Variants in ATP8A1 observed in about 807,000 individuals in gnomAD.
ATP8A1 encodes phospholipid-transporting ATPase IA.
In ATP8A1, 90 loss-of-function variants were observed where a neutral mutation model predicts 177.7. The ratio of observed to expected loss-of-function variants is 0.51; its 90% CI spans 0.43 to 0.60. ATP8A1 has a LOEUF of 0.60. Ranked by LOEUF, ATP8A1 falls within the 20% of genes least tolerant of loss-of-function variation. The probability of loss-of-function intolerance (pLI) is 0.00; values close to 1 mark genes in which losing one functional copy is unlikely to be tolerated. For synonymous variants in ATP8A1, 493 were observed against 485.9 expected, an observed-to-expected ratio of 1.01 and a Z score of -0.19; for missense variants, 1,072 against 1,392.8, an observed-to-expected ratio of 0.77 and a Z score of 3.67.
chr4:42,577,115 C>CTGCT (rs1732542807), intron 12 of ATP8A1, among the ~76,000 whole-genome samples: 1 of 152,120 alleles, frequency 6.6e-6, no homozygotes, highest in Non-Finnish European at 1.5e-5. Flanking sequence ...AAGCATAAGC[C>CTGCT]TGCTGGGTTC....
intron 20 of ATP8A1, among the ~76,000 whole-genome samples, chr4:42,533,114 T>A (rs1308057704): frequency 2.0e-5 from 3 of 152,196 alleles, no homozygotes; most frequent in African/African-American, 7.2e-5. Context: ...CTCCAAGAAC[T>A]ACCACATGAA....
chr4:42,539,340 A>G (rs1032288338), intron 20 of ATP8A1, among the ~76,000 whole-genome samples: 6 of 151,862 alleles, frequency 4.0e-5, no homozygotes, highest in Admixed American at 1.3e-4. Context: ...CTGCATGGAA[A>G]TCTCTGAAAT....
chr4:42,511,679 T>C (rs1725015857), intron 22 of ATP8A1, among the ~76,000 whole-genome samples: 1 of 152,212 alleles, frequency 6.6e-6, no homozygotes, highest in Non-Finnish European at 1.5e-5. Context: ...ACAGAAAGCT[T>C]CATGTAGTTT....
intron 31 of ATP8A1, among the ~76,000 whole-genome samples, 187 bp from the exon 32 acceptor site, chr4:42,444,821 G>C (rs1458664215): frequency 6.6e-6 from 1 of 152,288 alleles, no homozygotes. Context: ...ACTGTGATAG[G>C]TCAGAGGTGC....
chr4:42,524,710 A>G, intron 21 of ATP8A1, 53 bp downstream of exon 21: 1 of 1,158,632 alleles, frequency 8.6e-7, no homozygotes. Context: ...AGGTATCAGA[A>G]GTATATGATT....
chr4:42,558,914 C>G (rs1249930751), intron 15 of ATP8A1, among the ~76,000 whole-genome samples: 3 of 152,230 alleles, frequency 2.0e-5, no homozygotes, highest in Non-Finnish European at 4.4e-5. Flanking sequence ...GTAGCTCACG[C>G]CTGTAATCCC....
At chr4:42,632,128 G>A (rs1738801718) in intron 1 of ATP8A1, among the ~76,000 whole-genome samples, 2 of 152,178 alleles carry the variant, frequency 1.3e-5, no homozygotes, top group South Asian at 4.2e-4. Flanking sequence ...GAATGGAACT[G>A]AGCAAGGATC....
intron 6 of ATP8A1, among the ~76,000 whole-genome samples, chr4:42,596,666 C>CAAAAAA (rs71648737): frequency 5.4e-5 from 4 of 73,948 alleles, no homozygotes; most frequent in Admixed American, 1.5e-4. Flanking sequence ...GACTCCATCT[C>CAAAAAA]AAAAAAAAAA....
intron 25 of ATP8A1, among the ~76,000 whole-genome samples, chr4:42,466,840 T>C (rs576235990): frequency 1.3e-5 from 2 of 152,268 alleles, no homozygotes; most frequent in African/African-American, 4.8e-5. Context: ...GTAAGTCCAC[T>C]GGCTGTAGGC....
chr4:42,611,685 T>A lies in ATP8A1; in HGVS notation c.409+4348A>T, dbSNP rs115036535. Among the ~76,000 whole-genome samples the A allele has an allele frequency of 2.6e-3, 398 of 152,326 alleles. 1 individual carries two copies. Among genetic ancestry groups the A allele is most frequent in the Non-Finnish European group, 2.6e-3 (180 of 68,018 alleles). On this transcript the variant is annotated intron_variant, in intron 5 of 36. Transcript: ENST00000381668. ...ACTTGAAATATTGACAAGCTAGCCA[T>A]CATGGCATTTCATAAAAAACGACAG...
intron 15 of ATP8A1, among the ~76,000 whole-genome samples, chr4:42,564,185 T>C (rs1026382142): frequency 6.6e-6 from 1 of 152,138 alleles, no homozygotes; most frequent in African/African-American, 2.4e-5. Flanking sequence ...GGCAAAAGTT[T>C]GCTATAGGGG....
intron 1 of ATP8A1, among the ~76,000 whole-genome samples, chr4:42,638,772 A>G (rs1577757387): frequency 6.6e-6 from 1 of 152,116 alleles, no homozygotes; most frequent in East Asian, 1.9e-4. Flanking sequence ...TGCACCAGAA[A>G]CGAGGGGTTG....
intron 1 of ATP8A1, among the ~76,000 whole-genome samples, chr4:42,633,850 G>A (rs1009495640): frequency 6.6e-6 from 1 of 152,174 alleles, no homozygotes; most frequent in African/African-American, 2.4e-5. Context: ...TCAAGGAGAT[G>A]CTGAGTTGAG....
chr4:42,472,407 TAAAA>T, intron 25 of ATP8A1: 1 of 253,552 alleles, frequency 3.9e-6, no homozygotes, highest in Non-Finnish European at 7.7e-6. Flanking sequence ...AATTCACAGT[TAAAA>T]AAAAAAAAAG....
At chr4:42,636,156 A>ACGCGCGCGTGCG (rs1553920759) in intron 1 of ATP8A1, among the ~76,000 whole-genome samples, 7 of 90,898 alleles carry the variant, frequency 7.7e-5, no homozygotes, top group African/African-American at 1.7e-4. Context: ...ACACACACAC[A>ACGCGCGCGTGCG]CGCACACACA....
intron 5 of ATP8A1, among the ~76,000 whole-genome samples, chr4:42,607,860 T>C (rs538388493): frequency 6.6e-6 from 1 of 152,128 alleles, no homozygotes; most frequent in East Asian, 1.9e-4. Flanking sequence ...GAGGAGATGA[T>C]TAAAGAAGCC....
chr4:42,493,686 G>T (rs555219495), intron 24 of ATP8A1, among the ~76,000 whole-genome samples: 23 of 152,242 alleles, frequency 1.5e-4, no homozygotes, highest in African/African-American at 5.5e-4. Context: ...GCTCTGCCGC[G>T]TACTGGCTGT....
At chr4:42,465,679 A>T (rs1051832328) in intron 25 of ATP8A1, among the ~76,000 whole-genome samples, 1 of 152,228 alleles carries the variant, frequency 6.6e-6, no homozygotes, top group Non-Finnish European at 1.5e-5. Flanking sequence ...TATTAAAATC[A>T]TATCTGGTAT....
intron 25 of ATP8A1, among the ~76,000 whole-genome samples, chr4:42,483,555 A>T: frequency 6.6e-6 from 1 of 152,144 alleles, no homozygotes; most frequent in East Asian, 1.9e-4. Flanking sequence ...CCTTCTAGGG[A>T]CCTGGTGCCT....
Sources: gnomAD v4.1 joint callset for allele counts (sites outside exome capture counted in the v4.1 genomes callset) on GRCh38, gnomAD v4.1.1 for gene constraint, MANE v1.5 for transcripts, NCBI Gene and HGNC (gene_info 2026-07-23, HGNC 2026-07-21) for gene names.